NUP160: variants seen among roughly 807,000 people sequenced by gnomAD.
The protein encoded by NUP160 is nucleoporin 160, also known as nuclear pore complex protein Nup160.
NUP160 carries 94 observed loss-of-function variants against 196.9 expected under a neutral mutation model. The ratio of observed to expected loss-of-function variants is 0.48; its 90% CI spans 0.40 to 0.57. The LOEUF (loss-of-function observed/expected upper bound fraction) is 0.57, where lower values mean the gene tolerates loss of function less well. Among genes scored for constraint, NUP160 ranks in the 20% least tolerant of loss-of-function variants. The probability of loss-of-function intolerance (pLI) is 0.00; values close to 1 mark genes in which losing one functional copy is unlikely to be tolerated. For synonymous variants in NUP160, 605 were observed against 619.7 expected (o/e 0.98, Z 0.35); for missense variants, 1,638 against 1,748.3 (o/e 0.94, Z 1.13).
At chr11:47,841,033 G>C (rs965676381) in intron 2 of NUP160, among the ~76,000 whole-genome samples, 5 of 143,340 alleles carry the variant, frequency 3.5e-5, no homozygotes, top group Admixed American at 1.4e-4. Flanking sequence ...CACACACACA[G>C]AATAGCAATT....
chr11:47,782,428 T>C (rs2135339380), intron 34 of NUP160, among the ~76,000 whole-genome samples: 1 of 146,678 alleles, frequency 6.8e-6, no homozygotes, highest in South Asian at 2.1e-4. Context: ...GTTGAAAATA[T>C]CATAGGTTGA....
chr11:47,784,782 T>C, intron 33 of NUP160, 140 bp downstream of exon 33: 1 of 533,498 alleles, frequency 1.9e-6, no homozygotes. Flanking sequence ...GCTCAAGCCA[T>C]CCTCCCCTGT....
intron 2 of NUP160, among the ~76,000 whole-genome samples, chr11:47,844,943 G>A (rs529262507): frequency 3.3e-5 from 5 of 152,266 alleles, no homozygotes; most frequent in African/African-American, 9.6e-5. Context: ...GTGACCTCCA[G>A]TTGTCCTCAC....
chr11:47,837,429 G>A, intron 5 of NUP160, 116 bp downstream of exon 5: 5 of 788,080 alleles, frequency 6.3e-6, no homozygotes, highest in Non-Finnish European at 1.1e-5. Context: ...TATTCTGACT[G>A]TTCTCCTTTC....
chr11:47,840,453 A>G, exon 3 of NUP160: 1 of 1,614,184 alleles, frequency 6.2e-7, no homozygotes, highest in African/African-American at 1.3e-5. Flanking sequence ...AGATTATCAC[A>G]CGATTCTGAG....
chr11:47,800,406 T>A (rs1439627063), intron 23 of NUP160, among the ~76,000 whole-genome samples: 2 of 151,966 alleles, frequency 1.3e-5, no homozygotes, highest in Admixed American at 1.3e-4. Context: ...TTTTTTTTTT[T>A]TGAGGTGGAG....
intron 2 of NUP160, 23 bp from the exon 3 acceptor site, chr11:47,840,611 T>C (rs1333454523): frequency 1.3e-6 from 2 of 1,528,844 alleles, no homozygotes; most frequent in Non-Finnish European, 1.8e-6. Context: ...AGACATTTGT[T>C]TGAAAAGTTT....
At chr11:47,837,402 C>G in intron 5 of NUP160, 143 bp downstream of exon 5, 1 of 665,930 alleles carries the variant, frequency 1.5e-6, no homozygotes, top group Non-Finnish European at 2.6e-6. Context: ...TGGCTTTCCT[C>G]AGATGGAATT....
At chr11:47,831,716 G>A (rs569839513) in intron 7 of NUP160, among the ~76,000 whole-genome samples, 3 of 151,684 alleles carry the variant, frequency 2.0e-5, no homozygotes, top group South Asian at 2.1e-4. Flanking sequence ...GGTGGCATGC[G>A]CCTGTAATCC....
At chr11:47,837,557 G>A (rs1852200900) in exon 5 of NUP160, 2 of 1,613,682 alleles carry the variant, frequency 1.2e-6, no homozygotes, top group South Asian at 1.1e-5. Flanking sequence ...GATAGCTGTT[G>A]GCATCCAGCC....
chr11:47,847,063 TC>T (rs1852413810), intron 2 of NUP160, among the ~76,000 whole-genome samples: 1 of 152,192 alleles, frequency 6.6e-6, no homozygotes, highest in Non-Finnish European at 1.5e-5. Flanking sequence ...TCCCTCATGG[TC>T]CGAGTCCTGC....
chr11:47,806,672 C>G (rs945303685), intron 19 of NUP160, among the ~76,000 whole-genome samples: 3 of 152,010 alleles, frequency 2.0e-5, no homozygotes, highest in African/African-American at 7.2e-5. Flanking sequence ...GGTTTTCAAA[C>G]ATGAGGGATA....
At chr11:47,797,009 G>A (rs549965645) in intron 27 of NUP160, among the ~76,000 whole-genome samples, 12 of 152,260 alleles carry the variant, frequency 7.9e-5, no homozygotes, top group African/African-American at 2.9e-4. Context: ...GTAAATTTTA[G>A]TCCCCTCTTT....
intron 2 of NUP160, among the ~76,000 whole-genome samples, chr11:47,843,005 C>T (rs893640671): frequency 4.6e-5 from 7 of 152,030 alleles, no homozygotes; most frequent in Non-Finnish European, 7.4e-5. Flanking sequence ...AACAAACAAA[C>T]AAATGAATAA....
intron 30 of NUP160, 22 bp downstream of exon 30, chr11:47,788,479 C>T (rs529413684): frequency 1.3e-6 from 2 of 1,599,962 alleles, no homozygotes; most frequent in South Asian, 2.2e-5. Context: ...AAGTCAGAGG[C>T]TTTAAACTCT....
chr11:47,843,971 A>G (rs1852353674), intron 2 of NUP160, among the ~76,000 whole-genome samples: 3 of 152,220 alleles, frequency 2.0e-5, no homozygotes. Flanking sequence ...AACCTGAAGA[A>G]AACAAAAGTA....
chr11:47,789,016 A>T (rs1246044931), intron 29 of NUP160, among the ~76,000 whole-genome samples: 1 of 151,968 alleles, frequency 6.6e-6, no homozygotes, highest in Non-Finnish European at 1.5e-5. Context: ...AGCTGGGATT[A>T]CAGGCGTGCA....
chr11:47,842,729 C>T (rs1426363334), intron 2 of NUP160, among the ~76,000 whole-genome samples: 1 of 152,174 alleles, frequency 6.6e-6, no homozygotes, highest in Non-Finnish European at 1.5e-5. Context: ...ATAGCTCATG[C>T]CTATGATCCC....
chr11:47,785,801 T>C (rs1466181493), intron 32 of NUP160, among the ~76,000 whole-genome samples: 1 of 152,172 alleles, frequency 6.6e-6, no homozygotes, highest in Non-Finnish European at 1.5e-5. Context: ...GATGTGCTAA[T>C]TTAGGGGTTG....
Sources: allele counts gnomAD v4.1 joint callset (sites outside exome capture counted in the v4.1 genomes callset), GRCh38; gene constraint gnomAD v4.1.1; transcripts MANE v1.5; gene names NCBI Gene and HGNC (gene_info 2026-07-23, HGNC 2026-07-21).